Variants in CAST observed in about 807,000 individuals in gnomAD.
The protein encoded by CAST is calpastatin.
A neutral mutation model predicts 119.6 loss-of-function variants in CAST; 76 were observed. The observed-to-expected ratio is 0.64, with a 90% confidence interval of 0.53 to 0.77. The LOEUF is 0.77. Ranked by LOEUF, CAST falls within the 30% of genes least tolerant of loss-of-function variation. The pLI is 0.00. For missense variants in CAST, 953 were observed against 946.5 expected (o/e 1.01, Z -0.09); for synonymous variants, 319 against 331.6 (o/e 0.96, Z 0.41).
the CAST span, among the ~76,000 whole-genome samples, chr5:96,484,756 T>TG: frequency 1.4e-5 from 1 of 73,646 alleles, no homozygotes; most frequent in Admixed American, 1.2e-4. Flanking sequence ...ATGGTAGAGC[T>TG]GGGGGGCCAT....
intron 3 of CAST, among the ~76,000 whole-genome samples, chr5:96,697,342 T>A (rs1033409000): frequency 6.6e-6 from 1 of 152,158 alleles, no homozygotes; most frequent in Non-Finnish European, 1.5e-5. Flanking sequence ...TCAGACTTTC[T>A]CATAGATGTC....
chr5:96,675,706 A>G lies in CAST; in HGVS notation c.138+105A>G, dbSNP rs73774372. The G allele has an allele frequency of 2.3e-4, 174 of 769,714 alleles. No individual in the cohort carries two copies. The African/African-American group carries it at 2.7e-3, about 12-fold the overall frequency. The allele number at this position is 769,714 out of a possible 1,614,324, so 47.7% of individuals were successfully genotyped here. On this transcript the variant is annotated intron_variant, in intron 2 of 31. Transcript: ENST00000675179. ...TAGCAAAGAGCTTCTACCTTGCTTAATATTGGGAAATTTTGATTTAACCAA... is the reference window on the plus strand; with the variant it reads ...TAGCAAAGAGCTTCTACCTTGCTTAGTATTGGGAAATTTTGATTTAACCAA...
intron 11 of CAST, among the ~76,000 whole-genome samples, chr5:96,738,532 A>G (rs973160458): frequency 2.0e-5 from 3 of 152,156 alleles, no homozygotes; most frequent in Non-Finnish European, 4.4e-5. Flanking sequence ...TCCATCCTCA[A>G]GATTTAAGTA....
At chr5:96,164,907 C>A in the CAST span, among the ~76,000 whole-genome samples, 1 of 151,832 alleles carries the variant, frequency 6.6e-6, no homozygotes, top group African/African-American at 2.4e-5. Context: ...TCGTGCAGAG[C>A]CTGGCATGGG....
At chr5:96,147,577 T>C in the CAST span, among the ~76,000 whole-genome samples, 1 of 152,092 alleles carries the variant, frequency 6.6e-6, no homozygotes, top group Non-Finnish European at 1.5e-5. Flanking sequence ...CACTCCAGCC[T>C]GGGCGACAGA....
At chr5:96,378,730 C>T in the CAST span, among the ~76,000 whole-genome samples, 1 of 151,966 alleles carries the variant, frequency 6.6e-6, no homozygotes, top group African/African-American at 2.4e-5. Context: ...AAAAAGAATA[C>T]CAACTTATAC....
the CAST span, among the ~76,000 whole-genome samples, chr5:96,273,972 C>G: frequency 6.6e-6 from 1 of 152,108 alleles, no homozygotes; most frequent in Non-Finnish European, 1.5e-5. Flanking sequence ...GCATATTCAC[C>G]TGGGAGAGGA....
At chr5:96,462,992 C>T in the CAST span, among the ~76,000 whole-genome samples, 5 of 152,054 alleles carry the variant, frequency 3.3e-5, no homozygotes, top group African/African-American at 1.2e-4. Context: ...AATTAAACCT[C>T]TTTTGTTTAT....
the CAST span, among the ~76,000 whole-genome samples, chr5:95,983,438 C>CCA: frequency 3.3e-5 from 5 of 152,082 alleles, no homozygotes; most frequent in Admixed American, 6.5e-5. Context: ...CACAAAAGAT[C>CCA]CACACACACA....
At chr5:96,443,849 C>G in the CAST span, among the ~76,000 whole-genome samples, 12 of 152,322 alleles carry the variant, frequency 7.9e-5, no homozygotes, top group East Asian at 1.3e-3. Context: ...TTTAAGAATA[C>G]TTTAGTCTCA....
chr5:96,524,417 A>G (rs1745566768), upstream of CAST, among the ~76,000 whole-genome samples: 2 of 152,250 alleles, frequency 1.3e-5, no homozygotes, highest in African/African-American at 4.8e-5. Flanking sequence ...TTTGAGAAGT[A>G]GAGGGGCTTT....
the CAST span, chr5:96,412,256 C>G: frequency 7.7e-7 from 1 of 1,295,214 alleles, no homozygotes; most frequent in Non-Finnish European, 1.1e-6. Context: ...AGTGTTCTTT[C>G]CTTCTCCTCA....
At chr5:96,720,557 G>C (rs989304918) in intron 3 of CAST, among the ~76,000 whole-genome samples, 1 of 152,248 alleles carries the variant, frequency 6.6e-6, no homozygotes, top group African/African-American at 2.4e-5. Flanking sequence ...GTGCCTTAGT[G>C]AGGGAAGAAA....
chr5:95,963,078 A>G, the CAST span, among the ~76,000 whole-genome samples: 4 of 152,208 alleles, frequency 2.6e-5, no homozygotes, highest in African/African-American at 9.6e-5. Context: ...CAGAAACACC[A>G]GATAAAACAA....
chr5:96,293,135 G>A, the CAST span, among the ~76,000 whole-genome samples: 1 of 152,176 alleles, frequency 6.6e-6, no homozygotes, highest in African/African-American at 2.4e-5. Context: ...TATGAATGGT[G>A]CCAGCTCCTC....
chr5:96,547,156 C>T (rs964117524), intron 1 of CAST, among the ~76,000 whole-genome samples: 13 of 151,940 alleles, frequency 8.6e-5, no homozygotes, highest in African/African-American at 2.4e-4. Context: ...TGGGGTTCTC[C>T]AGAGAAACAG....
At chr5:96,765,956 T>C in intron 26 of CAST, 97 bp from the exon 27 acceptor site, 1 of 741,152 alleles carries the variant, frequency 1.3e-6, no homozygotes, top group Non-Finnish European at 2.4e-6. Context: ...TTTTGCCTCA[T>C]GAAAGTACAA....
intron 1 of CAST, among the ~76,000 whole-genome samples, chr5:96,548,850 C>A (rs1746066797): frequency 6.6e-6 from 1 of 152,176 alleles, no homozygotes; most frequent in East Asian, 1.9e-4. Context: ...ATAAGTATGT[C>A]CCTGCTCTAG....
At chr5:96,728,710 C>CT (rs1759813910) in intron 6 of CAST, 1 of 156,062 alleles carries the variant, frequency 6.4e-6, no homozygotes, top group Admixed American at 6.3e-5. Flanking sequence ...ATCTCCTGAC[C>CT]TTGTGATACG....
Sources: allele counts gnomAD v4.1 joint callset (sites outside exome capture counted in the v4.1 genomes callset), GRCh38; gene constraint gnomAD v4.1.1; transcripts MANE v1.5; gene names NCBI Gene and HGNC (gene_info 2026-07-23, HGNC 2026-07-21).